The following BRDT variants were observed in gnomAD, a reference collection of about 807,000 sequenced individuals.
BRDT encodes the protein bromodomain testis associated, also known as bromodomain testis-specific protein.
BRDT carries 77 observed loss-of-function variants against 113.9 expected under a neutral mutation model. That is an observed-to-expected ratio of 0.68 (90% confidence interval 0.56 to 0.82). BRDT has a LOEUF of 0.82. BRDT is among the 40% of genes least tolerant of loss of function. BRDT has a pLI of 0.00. For missense variants in BRDT, 1,027 were observed against 1,105.4 expected (o/e 0.93, Z 1.01); for synonymous variants, 358 against 366.5 (o/e 0.98, Z 0.26).
chr1:91,987,338 T>C (rs1685341931), intron 12 of BRDT, among the ~76,000 whole-genome samples: 1 of 152,164 alleles, frequency 6.6e-6, no homozygotes, highest in African/African-American at 2.4e-5. Flanking sequence ...TTTTTTGTTT[T>C]GTTTTGTTTT....
Position 91,952,663 on chromosome 1 carries a change from C to G in BRDT, c.-38+2981C>G, listed in dbSNP as rs1255783271. Among the ~76,000 whole-genome samples the G allele has an allele frequency of 2.6e-5, 4 of 151,124 alleles. No homozygotes were observed. The East Asian group carries it at 7.8e-4, about 30-fold the overall frequency. ...TGTTGAAGATACAGAAAAGATAAAC[C>G]AGCACAACGGTTCATGCCTGTGATC... On this transcript the variant is annotated intron_variant, in intron 1 of 18. Coordinates refer to ENST00000399546, the MANE Select transcript of BRDT (RefSeq NM_207189.4).
At chr1:92,009,033 C>T (rs926860818) in intron 18 of BRDT, among the ~76,000 whole-genome samples, 2 of 152,104 alleles carry the variant, frequency 1.3e-5, no homozygotes, top group African/African-American at 4.8e-5. Context: ...TAACTATAGT[C>T]TCCATGTTGT....
At chr1:91,988,587 C>T (rs960799954) in intron 12 of BRDT, among the ~76,000 whole-genome samples, 5 of 151,544 alleles carry the variant, frequency 3.3e-5, no homozygotes, top group Admixed American at 6.6e-5. Flanking sequence ...TTTTGGTAGG[C>T]GGGGGGTTTC....
intron 15 of BRDT, among the ~76,000 whole-genome samples, chr1:92,001,402 A>G (rs897828790): frequency 2.0e-5 from 3 of 152,106 alleles, no homozygotes; most frequent in Non-Finnish European, 4.4e-5. Context: ...TCATGTTGAA[A>G]TTTACAGGCC....
intron 13 of BRDT, among the ~76,000 whole-genome samples, 183 bp from the exon 14 acceptor site, chr1:91,992,081 A>AT (rs139066569): frequency 0.13 from 19,905 of 150,708 alleles, 1,423 homozygotes; most frequent in Non-Finnish European, 0.15. Context: ...CCTCATATAC[A>AT]TTTTTTTCCC....
At chr1:91,998,477 C>G (rs2101779117) in intron 15 of BRDT, among the ~76,000 whole-genome samples, 1 of 152,096 alleles carries the variant, frequency 6.6e-6, no homozygotes, top group South Asian at 2.1e-4. Context: ...CGCATGTATC[C>G]CAGAACTTAA....
chr1:91,978,085 T>C (rs1570523559), intron 6 of BRDT, 83 bp from the exon 7 acceptor site: 6 of 1,278,512 alleles, frequency 4.7e-6, no homozygotes, highest in East Asian at 4.7e-5. Context: ...TGAATTATTT[T>C]GTAATATGAA....
At chr1:91,987,645 CTTGT>C (rs1685378484) in intron 12 of BRDT, among the ~76,000 whole-genome samples, 1 of 130,076 alleles carries the variant, frequency 7.7e-6, no homozygotes, top group Non-Finnish European at 1.8e-5. Context: ...TGCGCCCGGC[CTTGT>C]TTTTGTTTTT....
At chr1:91,965,162 C>T (rs749832136) in intron 3 of BRDT, among the ~76,000 whole-genome samples, 4 of 152,040 alleles carry the variant, frequency 2.6e-5, no homozygotes, top group Non-Finnish European at 5.9e-5. Flanking sequence ...GTTCCACCCA[C>T]CTCAGCCTCC....
intron 16 of BRDT, among the ~76,000 whole-genome samples, 191 bp from the exon 17 acceptor site, chr1:92,004,223 C>T (rs6660486): frequency 0.067 from 10,171 of 151,990 alleles, 402 homozygotes; most frequent in African/African-American, 0.097. Context: ...TTTAGATGAT[C>T]TATTATGTTT....
intron 14 of BRDT, 34 bp from the exon 15 acceptor site, chr1:91,994,049 A>C: frequency 6.4e-7 from 1 of 1,554,062 alleles, no homozygotes; most frequent in African/African-American, 1.4e-5. Flanking sequence ...TGTATGGTTA[A>C]AACTAAGTGA....
At chr1:92,002,746 A>T (rs1686973646) in intron 16 of BRDT, among the ~76,000 whole-genome samples, 3 of 152,188 alleles carry the variant, frequency 2.0e-5, no homozygotes. Flanking sequence ...TCATAAAACC[A>T]TCTTTTAGAA....
chr1:91,960,113 T>A (rs1301119937), intron 1 of BRDT, among the ~76,000 whole-genome samples: 2 of 152,188 alleles, frequency 1.3e-5, no homozygotes, highest in East Asian at 3.9e-4. Context: ...TGTGAAATCA[T>A]GTATTGACCA....
chr1:91,977,335 T>C lies in BRDT; in HGVS notation c.911T>C (p.Leu304Ser), dbSNP rs1315440401. The C allele has an allele frequency of 6.2e-7, 1 of 1,613,570 alleles. No homozygotes were observed. Among genetic ancestry groups the C allele is most frequent in the Admixed American group, 1.7e-5 (1 of 59,944 alleles). ...PFYNPVDVNA[L>S]GLHNYYDVVK... is the part of the protein sequence containing the mutation. ...TATAATCCTGTTGACGTTAATGCTTTGGGACTCCATAACTACTATGACGTT... is the reference window on the plus strand; with the variant it reads ...TATAATCCTGTTGACGTTAATGCTTCGGGACTCCATAACTACTATGACGTT... Residue 304 changes from leucine to serine, a missense_variant, in exon 6 of 19, where the codon TTG becomes TCG. By Grantham distance (145) the Leu-to-Ser change is moderately radical. Transcript: ENST00000399546.
chr1:91,956,316 C>T (rs76391860), intron 1 of BRDT, among the ~76,000 whole-genome samples: 2 of 139,584 alleles, frequency 1.4e-5, no homozygotes, highest in Admixed American at 1.5e-4. Flanking sequence ...TGCCCCCCCC[C>T]ACCCCCTGCC....
chr1:91,970,990 C>T (rs1683580313), intron 4 of BRDT, among the ~76,000 whole-genome samples: 2 of 151,604 alleles, frequency 1.3e-5, no homozygotes, highest in Admixed American at 1.3e-4. Context: ...TTATTTGGCT[C>T]ATGGTTTTGC....
chr1:91,994,155 A>G lies in BRDT; in HGVS notation c.2188A>G (p.Met730Val), dbSNP rs748206635. 80 of 1,613,620 alleles carry G rather than the reference A, an allele frequency of 5.0e-5. No homozygotes were observed. The highest frequency in any genetic ancestry group is 6.7e-5 in the Non-Finnish European group (79 of 1,179,762). ...TCATCAGACCACACCTTCACATGTA[A>G]TGCCACCAAATCACCACCAATTAGC... ...LVHQTTPSHV[M>V]PPNHHQLAFN... is the part of the protein sequence containing the mutation. The change falls in exon 15 of 19, where the codon ATG becomes GTG. Residue 730 changes from methionine to valine, a missense_variant. Transcript: ENST00000399546.
intron 3 of BRDT, among the ~76,000 whole-genome samples, chr1:91,966,490 C>A (rs949862650): frequency 1.3e-5 from 2 of 152,284 alleles, no homozygotes; most frequent in South Asian, 4.1e-4. Context: ...CCTCACCCTC[C>A]TAAGTAGCTG....
At chr1:92,004,679 T>C in intron 17 of BRDT, 60 bp downstream of exon 17, 1 of 1,387,636 alleles carries the variant, frequency 7.2e-7, no homozygotes, top group Non-Finnish European at 9.7e-7. Context: ...TTTAAATACA[T>C]TAAATTTCTT....
Sources: gnomAD v4.1 joint callset for allele counts (sites outside exome capture counted in the v4.1 genomes callset) on GRCh38, gnomAD v4.1.1 for gene constraint, MANE v1.5 for transcripts, NCBI Gene and HGNC (gene_info 2026-07-23, HGNC 2026-07-21) for gene names.